NEK11: variants seen among roughly 807,000 people sequenced by gnomAD.
NEK11 encodes the protein NIMA related kinase 11.
Under a neutral mutation model 80.7 loss-of-function variants are expected in NEK11, and 72 were observed. The observed-to-expected ratio is 0.89, with a 90% CI of 0.74 to 1.08. The LOEUF (loss-of-function observed/expected upper bound fraction) is 1.08. NEK11 is among the 50% of genes least tolerant of loss of function. The pLI, the probability that NEK11 is intolerant of heterozygous loss-of-function variation, is 0.00. For synonymous variants in NEK11, 251 were observed against 260.7 expected (o/e 0.96, Z 0.36); for missense variants, 764 against 763.6 (o/e 1.00, Z -0.01).
chr3:131,222,291 G>GA (rs1408840868), intron 14 of NEK11, among the ~76,000 whole-genome samples: 4 of 152,170 alleles, frequency 2.6e-5, no homozygotes, highest in Admixed American at 6.5e-5. Flanking sequence ...AAAGTGGGCA[G>GA]AAAAATGTCA....
intron 14 of NEK11, among the ~76,000 whole-genome samples, chr3:131,180,459 A>G (rs931755418): frequency 7.9e-5 from 12 of 152,246 alleles, no homozygotes; most frequent in Non-Finnish European, 1.3e-4. Flanking sequence ...ATGAACTATT[A>G]TAAAATAGGC....
At position 131,029,640 on chromosome 3, in the gene NEK11, C is replaced by T. The variant is rs556851916; in HGVS notation, c.-69C>T. 5.0e-5 allele frequency: 72 copies of T among 1,454,172 alleles called. No homozygotes were observed. In the African/African-American group the frequency reaches 9.4e-4, roughly 19 times the overall value. 90.1% of individuals were successfully genotyped at this position (1,454,172 alleles called of 1,614,324 possible). ...ACTGACCAACACTGGATGAATTTGACCATTTCTTAGGAGACTGGAATGTTA... is the reference window on the plus strand; with the variant it reads ...ACTGACCAACACTGGATGAATTTGATCATTTCTTAGGAGACTGGAATGTTA... On this transcript the variant is annotated 5_prime_UTR_variant, in exon 3 of 18. Transcript: ENST00000383366.
At chr3:131,347,555 G>A (rs1185917607) in intron 17 of NEK11, among the ~76,000 whole-genome samples, 1 of 152,098 alleles carries the variant, frequency 6.6e-6, no homozygotes, top group Non-Finnish European at 1.5e-5. Context: ...AAATGAATGA[G>A]TCTGTGACTA....
intron 5 of NEK11, among the ~76,000 whole-genome samples, chr3:131,129,524 C>A (rs1301284923): frequency 6.6e-6 from 1 of 152,164 alleles, no homozygotes; most frequent in Non-Finnish European, 1.5e-5. Flanking sequence ...AAAGTTATCA[C>A]CAAACTTAAA....
intron 3 of NEK11, among the ~76,000 whole-genome samples, chr3:131,077,199 A>C (rs2074498900): frequency 6.6e-6 from 1 of 152,138 alleles, no homozygotes; most frequent in South Asian, 2.1e-4. Flanking sequence ...AGGCTCTGAT[A>C]AAATAAATGT....
At chr3:131,105,530 A>T (rs2079053393) in intron 4 of NEK11, among the ~76,000 whole-genome samples, 2 of 152,252 alleles carry the variant, frequency 1.3e-5, no homozygotes, top group African/African-American at 4.8e-5. Context: ...ACAGTTCCAC[A>T]TGGCTGGGGA....
intron 16 of NEK11, among the ~76,000 whole-genome samples, chr3:131,264,426 C>T (rs1451313812): frequency 6.6e-6 from 1 of 152,316 alleles, no homozygotes; most frequent in East Asian, 1.9e-4. Flanking sequence ...CATCTTTCTG[C>T]ATATGGCTAG....
chr3:131,050,691 A>G (rs569279561), intron 3 of NEK11, among the ~76,000 whole-genome samples: 2 of 152,188 alleles, frequency 1.3e-5, no homozygotes, highest in Non-Finnish European at 2.9e-5. Context: ...AAAATGCCAT[A>G]TATTTTCCAC....
chr3:131,054,786 A>G (rs920943620), intron 3 of NEK11, among the ~76,000 whole-genome samples: 4 of 143,218 alleles, frequency 2.8e-5, no homozygotes, highest in East Asian at 3.9e-4. Flanking sequence ...ATAAATAAAT[A>G]AATAAATGAA....
Position 131,161,474 on chromosome 3 carries a change from C to T in NEK11, c.963-934C>T, listed in dbSNP as rs113256139. 2.6e-3 allele frequency among the ~76,000 whole-genome samples: 392 copies of T among 152,252 alleles called. 1 individual carries two copies. Among genetic ancestry groups the T allele is most frequent in the African/African-American group, 8.8e-3 (367 of 41,538 alleles). On this transcript the variant is annotated intron_variant, in intron 10 of 17. Transcript: ENST00000383366. ...TACACTAGATAAAGAAAATGTGGTA[C>T]ATTTACACCATGGGATACTACACAG...
intron 10 of NEK11, among the ~76,000 whole-genome samples, chr3:131,159,020 G>A (rs1000803924): frequency 6.6e-6 from 1 of 152,184 alleles, no homozygotes; most frequent in African/African-American, 2.4e-5. Context: ...CAGGAGCTGG[G>A]AGCTGAGCAC....
intron 7 of NEK11, among the ~76,000 whole-genome samples, chr3:131,147,576 A>G (rs557339926): frequency 5.3e-5 from 8 of 152,054 alleles, no homozygotes; most frequent in Non-Finnish European, 1.2e-4. Context: ...GTTCCTTTGT[A>G]TTTCCATATA....
At chr3:131,209,478 G>T (rs543191004) in intron 14 of NEK11, among the ~76,000 whole-genome samples, 12 of 152,292 alleles carry the variant, frequency 7.9e-5, no homozygotes, top group African/African-American at 2.9e-4. Context: ...GTATCAGGAT[G>T]ATGTTGGCCT....
At chr3:131,317,121 C>T (rs2096848786) in intron 17 of NEK11, among the ~76,000 whole-genome samples, 1 of 152,148 alleles carries the variant, frequency 6.6e-6, no homozygotes, top group Non-Finnish European at 1.5e-5. Flanking sequence ...GTGAGGCTTC[C>T]ATCCTACCAG....
intron 10 of NEK11, among the ~76,000 whole-genome samples, chr3:131,158,002 G>A (rs547343825): frequency 2.0e-5 from 3 of 152,124 alleles, no homozygotes; most frequent in Non-Finnish European, 4.4e-5. Context: ...CCCTAGGCTT[G>A]ACTTGCTCCC....
At chr3:131,080,037 GTT>G (rs1491580591) in intron 3 of NEK11, among the ~76,000 whole-genome samples, 4 of 80,124 alleles carry the variant, frequency 5.0e-5, no homozygotes, top group Non-Finnish European at 6.3e-5. Context: ...GTGTGTGTGT[GTT>G]TGTGTGTGTG....
chr3:131,030,259 A>G (rs2064614469), intron 3 of NEK11, among the ~76,000 whole-genome samples: 1 of 152,112 alleles, frequency 6.6e-6, no homozygotes, highest in Non-Finnish European at 1.5e-5. Flanking sequence ...AACATGGAGT[A>G]ATGTCCACTT....
chr3:131,315,669 C>T (rs373166590), intron 17 of NEK11, among the ~76,000 whole-genome samples: 32 of 151,986 alleles, frequency 2.1e-4, no homozygotes, highest in African/African-American at 7.7e-4. Flanking sequence ...AGGTATTAAG[C>T]CCAGCATCCA....
At chr3:131,321,165 T>C (rs1031751937) in intron 17 of NEK11, among the ~76,000 whole-genome samples, 5 of 152,072 alleles carry the variant, frequency 3.3e-5, no homozygotes, top group Non-Finnish European at 5.9e-5. Flanking sequence ...CATAGACCAA[T>C]GGAACAGAAT....
Sources: gnomAD v4.1 joint callset for allele counts (sites outside exome capture counted in the v4.1 genomes callset) on GRCh38, gnomAD v4.1.1 for gene constraint, MANE v1.5 for transcripts, NCBI Gene and HGNC (gene_info 2026-07-23, HGNC 2026-07-21) for gene names.